Variants in TMTC1 observed in about 807,000 individuals in gnomAD.
TMTC1 encodes transmembrane O-mannosyltransferase targeting cadherins 1, also known as protein O-mannosyl-transferase TMTC1.
A neutral mutation model predicts 104.8 loss-of-function variants in TMTC1; 73 were observed. That is an observed-to-expected ratio of 0.70 (90% CI 0.58 to 0.85). TMTC1 has a LOEUF of 0.85. Among genes scored for constraint, TMTC1 ranks in the 40% least tolerant of loss-of-function variants. The pLI, the probability that TMTC1 is intolerant of heterozygous loss-of-function variation, is 0.00. For synonymous variants in TMTC1, 434 were observed against 428.7 expected, an observed-to-expected ratio of 1.01 and a Z score of -0.15; for missense variants, 1,035 against 1,096.1, an observed-to-expected ratio of 0.94 and a Z score of 0.79.
chr12:29,602,314 T>C (rs1226640791), intron 7 of TMTC1, among the ~76,000 whole-genome samples: 1 of 152,126 alleles, frequency 6.6e-6, no homozygotes, highest in African/African-American at 2.4e-5. Context: ...GCTAAGTTTT[T>C]GTTATTTTCT....
intron 8 of TMTC1, among the ~76,000 whole-genome samples, chr12:29,579,551 C>T (rs1945918654): frequency 6.6e-6 from 1 of 152,204 alleles, no homozygotes; most frequent in Admixed American, 6.5e-5. Flanking sequence ...ATCACTTAAA[C>T]AGTTCAGGAA....
At chr12:29,718,932 C>CAAAAAAAAAAA (rs35351612) in intron 5 of TMTC1, among the ~76,000 whole-genome samples, 1 of 88,292 alleles carries the variant, frequency 1.1e-5, no homozygotes. Context: ...GACTCCATCT[C>CAAAAAAAAAAA]AAAAAAAAAA....
At chr12:29,638,453 A>T (rs1938668258) in intron 5 of TMTC1, among the ~76,000 whole-genome samples, 1 of 152,106 alleles carries the variant, frequency 6.6e-6, no homozygotes, top group Non-Finnish European at 1.5e-5. Context: ...TCTACCACTC[A>T]ATAAAACCTT....
At chr12:29,646,267 C>T (rs921405171) in intron 5 of TMTC1, among the ~76,000 whole-genome samples, 4 of 152,176 alleles carry the variant, frequency 2.6e-5, no homozygotes, top group African/African-American at 9.7e-5. Context: ...TCTAACGACA[C>T]ATCAAACTGA....
intron 5 of TMTC1, among the ~76,000 whole-genome samples, chr12:29,710,075 T>G (rs1163009559): frequency 1.2e-5 from 1 of 80,648 alleles, no homozygotes; most frequent in Non-Finnish European, 3.7e-5. Flanking sequence ...TCACTGGTAA[T>G]GGGTCTCTAT....
At chr12:29,697,064 G>A (rs1243630669) in intron 5 of TMTC1, among the ~76,000 whole-genome samples, 1 of 152,144 alleles carries the variant, frequency 6.6e-6, no homozygotes, top group Non-Finnish European at 1.5e-5. Context: ...TGCTTGCATT[G>A]TTTACCAATT....
At chr12:29,782,182 A>G (rs1481547888) in intron 1 of TMTC1, among the ~76,000 whole-genome samples, 1 of 152,292 alleles carries the variant, frequency 6.6e-6, no homozygotes. Context: ...ATCTTTCAGT[A>G]GAAAACGAGA....
chr12:29,589,157 C>T (rs1946216794), intron 7 of TMTC1, among the ~76,000 whole-genome samples: 2 of 152,196 alleles, frequency 1.3e-5, no homozygotes, highest in African/African-American at 2.4e-5. Context: ...CCCCTATCTG[C>T]TCCTTTTCTC....
chr12:29,739,015 T>G (rs1942755751), intron 5 of TMTC1, among the ~76,000 whole-genome samples: 1 of 152,186 alleles, frequency 6.6e-6, no homozygotes, highest in African/African-American at 2.4e-5. Context: ...GAAATATCAT[T>G]TTATCATTCT....
chr12:29,585,015 G>A (rs10843447), intron 7 of TMTC1, among the ~76,000 whole-genome samples: 51,363 of 142,514 alleles, frequency 0.36, 9,916 homozygotes, highest in African/African-American at 0.5. Flanking sequence ...GAATCGCCAC[G>A]CTGACTTCCA....
intron 10 of TMTC1, among the ~76,000 whole-genome samples, chr12:29,555,134 CT>C (rs77513599): frequency 2.3e-5 from 2 of 88,200 alleles, no homozygotes; most frequent in African/African-American, 9.4e-5. Context: ...TTCCAACATC[CT>C]TTTTTTTTTT....
At chr12:29,601,965 A>T (rs1395973660) in intron 7 of TMTC1, among the ~76,000 whole-genome samples, 1 of 149,744 alleles carries the variant, frequency 6.7e-6, no homozygotes, top group Non-Finnish European at 1.5e-5. Flanking sequence ...CCTCCAGAGT[A>T]GCTAGGACTA....
intron 10 of TMTC1, among the ~76,000 whole-genome samples, chr12:29,549,416 T>C (rs1160546152): frequency 6.6e-6 from 1 of 152,080 alleles, no homozygotes; most frequent in Non-Finnish European, 1.5e-5. Flanking sequence ...ATGGAAGGTC[T>C]TTCTGGGGTG....
chr12:29,669,899 G>A (rs10771562), intron 5 of TMTC1, among the ~76,000 whole-genome samples: 84,097 of 151,722 alleles, frequency 0.55, 23,498 homozygotes, highest in African/African-American at 0.63. Flanking sequence ...TGGCCCCATT[G>A]TACAGATTTA....
chr12:29,724,319 C>A (rs1258088302), intron 5 of TMTC1, among the ~76,000 whole-genome samples: 1 of 152,146 alleles, frequency 6.6e-6, no homozygotes, highest in Non-Finnish European at 1.5e-5. Flanking sequence ...ATTGTTACAA[C>A]CAGTTTGGGA....
intron 5 of TMTC1, among the ~76,000 whole-genome samples, chr12:29,713,889 T>C (rs1056205825): frequency 9.9e-5 from 15 of 151,706 alleles, no homozygotes; most frequent in African/African-American, 3.6e-4. Flanking sequence ...ACAAGAGATG[T>C]GTTGGTCATG....
chr12:29,606,660 G>C (rs1043495553), intron 6 of TMTC1, among the ~76,000 whole-genome samples: 3 of 152,118 alleles, frequency 2.0e-5, no homozygotes, highest in Non-Finnish European at 4.4e-5. Flanking sequence ...AGAATTAAGA[G>C]TGCAGGTATA....
At chr12:29,738,640 C>T (rs962247137) in intron 5 of TMTC1, among the ~76,000 whole-genome samples, 1 of 152,104 alleles carries the variant, frequency 6.6e-6, no homozygotes, top group African/African-American at 2.4e-5. Flanking sequence ...GGACACAACA[C>T]ACATAAGAAA....
chr12:29,578,904 T>C (rs2136318288), intron 8 of TMTC1, among the ~76,000 whole-genome samples: 1 of 152,340 alleles, frequency 6.6e-6, no homozygotes, highest in Middle Eastern at 3.4e-3. Flanking sequence ...ACACACAGGA[T>C]GGATAGTACT....
Sources: allele counts gnomAD v4.1 joint callset (sites outside exome capture counted in the v4.1 genomes callset), GRCh38; gene constraint gnomAD v4.1.1; transcripts MANE v1.5; gene names NCBI Gene and HGNC (gene_info 2026-07-23, HGNC 2026-07-21).